EYS: variants seen among roughly 807,000 people sequenced by gnomAD.
The protein encoded by EYS is protein eyes shut homolog.
In EYS, 250 loss-of-function variants were observed where a neutral mutation model predicts 282.1. The observed-to-expected ratio is 0.89, with a 90% CI of 0.80 to 0.98. EYS has a LOEUF of 0.98. Among genes scored for constraint, EYS ranks in the 50% least tolerant of loss-of-function variants. EYS has a pLI of 0.00. For missense variants in EYS, 4,016 were observed against 3,709.0 expected (o/e 1.08, Z -2.15); for synonymous variants, 1,355 against 1,282.9 (o/e 1.06, Z -1.20).
chr6:65,269,559 T>C (rs949824090), intron 12 of EYS, among the ~76,000 whole-genome samples: 1 of 152,168 alleles, frequency 6.6e-6, no homozygotes, highest in East Asian at 1.9e-4. Flanking sequence ...AGCTACAGAA[T>C]CTGAGTTATG....
At chr6:64,460,897 C>A (rs1178114267) in intron 26 of EYS, among the ~76,000 whole-genome samples, 1 of 152,122 alleles carries the variant, frequency 6.6e-6, no homozygotes, top group Non-Finnish European at 1.5e-5. Flanking sequence ...TATTTACCAG[C>A]AGCTGGCTTC....
In EYS at chr6:64,313,961, A is replaced by C. The variant is rs556378434; in HGVS notation, c.6079-6879T>G. On this transcript the variant is annotated intron_variant, in intron 29 of 42. Transcript: ENST00000503581. Reference sequence around the variant, plus strand: ...ACGCTATGAAGAAACTGCATCAACTAATGGGCAAAATAACCAGCAAGAATC... The same window carrying C: ...ACGCTATGAAGAAACTGCATCAACTCATGGGCAAAATAACCAGCAAGAATC... 3.9e-5 allele frequency among the ~76,000 whole-genome samples: 6 copies of C among 152,202 alleles called. No homozygotes were observed. In the East Asian group the frequency reaches 7.7e-4, roughly 20 times the overall value.
chr6:64,611,325 T>C (rs1767110621), intron 24 of EYS, among the ~76,000 whole-genome samples: 1 of 152,206 alleles, frequency 6.6e-6, no homozygotes, highest in South Asian at 2.1e-4. Flanking sequence ...GATACCTTTC[T>C]AATCCTTAGG....
chr6:65,603,945 T>A (rs929876078), intron 2 of EYS, among the ~76,000 whole-genome samples: 1 of 151,968 alleles, frequency 6.6e-6, no homozygotes, highest in East Asian at 1.9e-4. Flanking sequence ...GTAAACTTTA[T>A]CTTTGTTCAT....
chr6:65,410,130 T>G (rs1766923723), intron 5 of EYS, among the ~76,000 whole-genome samples: 1 of 152,120 alleles, frequency 6.6e-6, no homozygotes, highest in South Asian at 2.1e-4. Flanking sequence ...AGTAAAACAT[T>G]GTTTGAATGA....
chr6:65,022,522 A>C (rs7765594), intron 13 of EYS, among the ~76,000 whole-genome samples: 144,509 of 152,038 alleles, frequency 0.95, 68,751 homozygotes, highest in Middle Eastern at 0.98. Flanking sequence ...AAATTTATTG[A>C]CAGTGGATCA....
chr6:63,824,700 G>T (rs1771412040), intron 36 of EYS, among the ~76,000 whole-genome samples: 1 of 152,142 alleles, frequency 6.6e-6, no homozygotes, highest in South Asian at 2.1e-4. Context: ...AGTCAAGTTA[G>T]AGAGCCGAGC....
intron 5 of EYS, among the ~76,000 whole-genome samples, chr6:65,467,936 G>T (rs538802961): frequency 1.3e-5 from 2 of 152,084 alleles, no homozygotes; most frequent in South Asian, 4.2e-4. Flanking sequence ...AACTAGAAGG[G>T]ATTAATTACT....
At chr6:64,406,224 T>C (rs893055414) in intron 28 of EYS, among the ~76,000 whole-genome samples, 1 of 152,184 alleles carries the variant, frequency 6.6e-6, no homozygotes, top group Non-Finnish European at 1.5e-5. Flanking sequence ...TGATTCCCTA[T>C]TTAATAAATG....
chr6:65,615,227 C>T (rs1253118830), intron 2 of EYS, among the ~76,000 whole-genome samples: 1 of 152,004 alleles, frequency 6.6e-6, no homozygotes, highest in African/African-American at 2.4e-5. Context: ...CAATACCTTG[C>T]TTGAGACAAA....
intron 5 of EYS, among the ~76,000 whole-genome samples, chr6:65,415,540 T>C (rs1430710995): frequency 6.6e-6 from 1 of 152,004 alleles, no homozygotes; most frequent in Non-Finnish European, 1.5e-5. Context: ...AGATTCTAGA[T>C]TAATGTCTAT....
At chr6:64,140,122 A>G (rs1774293895) in intron 31 of EYS, among the ~76,000 whole-genome samples, 1 of 152,138 alleles carries the variant, frequency 6.6e-6, no homozygotes, top group African/African-American at 2.4e-5. Context: ...GAGAATGAAA[A>G]GGGGTGGTAA....
chr6:65,047,225 C>T (rs879589278), intron 13 of EYS, among the ~76,000 whole-genome samples: 10 of 151,772 alleles, frequency 6.6e-5, no homozygotes, highest in Non-Finnish European at 1.5e-4. Flanking sequence ...AACCATACCT[C>T]CAAATTCCAG....
At chr6:64,314,812 G>A (rs971748116) in intron 29 of EYS, among the ~76,000 whole-genome samples, 1 of 152,118 alleles carries the variant, frequency 6.6e-6, no homozygotes, top group African/African-American at 2.4e-5. Context: ...ATGCCCACAG[G>A]AGAAAGTAGG....
Position 65,001,558 on chromosome 6 carries a change from A to T in EYS, c.2138-3855T>A, listed in dbSNP as rs1228297024. ...GGGCTAGGGAGCATGGCAAGCCAAA[A>T]GGCAACTTTTTGGGTGGAAAAACAG... On this transcript the variant is annotated intron_variant, in intron 13 of 42. Transcript: ENST00000503581. Among the ~76,000 whole-genome samples the T allele has an allele frequency of 4.1e-5, 6 of 147,998 alleles. 1 individual carries two copies. Among genetic ancestry groups the T allele is most frequent in the Non-Finnish European group, 7.6e-5 (5 of 66,062 alleles).
At chr6:63,757,254 C>T (rs565373738) in intron 41 of EYS, among the ~76,000 whole-genome samples, 17 of 152,054 alleles carry the variant, frequency 1.1e-4, no homozygotes, top group Non-Finnish European at 2.2e-4. Flanking sequence ...CTGGCAGTGT[C>T]TGTGTTATGC....
At position 65,581,641 on chromosome 6, in the gene EYS, GCT is replaced by G. The variant is rs112117350; in HGVS notation, c.-333+58135_-333+58136del. Among the ~76,000 whole-genome samples, 50 of 152,088 alleles carry G rather than the reference GCT, an allele frequency of 3.3e-4. 1 individual carries two copies. The highest frequency in any genetic ancestry group is 3.4e-3 in the Middle Eastern group (1 of 294). ...TCTATGATCTTAGTTCCTTAGTGAT[GCT>G]CTTATTAACCAAAATCCTTGTAATA... On this transcript the variant is annotated intron_variant, in intron 2 of 42. Transcript: ENST00000503581.
intron 26 of EYS, among the ~76,000 whole-genome samples, chr6:64,450,531 C>T (rs1333918970): frequency 6.6e-6 from 1 of 152,148 alleles, no homozygotes; most frequent in African/African-American, 2.4e-5. Context: ...ACAGAACTCT[C>T]CACCCCAAAT....
intron 1 of EYS, among the ~76,000 whole-genome samples, chr6:65,662,457 C>T (rs893764797): frequency 1.8e-4 from 28 of 151,984 alleles, no homozygotes; most frequent in Non-Finnish European, 2.8e-4. Context: ...AGGGAGACAT[C>T]GATGTTAAAT....
Sources: allele counts gnomAD v4.1 joint callset (sites outside exome capture counted in the v4.1 genomes callset), GRCh38; gene constraint gnomAD v4.1.1; transcripts MANE v1.5; gene names NCBI Gene and HGNC (gene_info 2026-07-23, HGNC 2026-07-21).